KCNQ5: variants seen among roughly 807,000 people sequenced by gnomAD.
The protein encoded by KCNQ5 is potassium voltage-gated channel subfamily KQT member 5.
A neutral mutation model predicts 98.2 loss-of-function variants in KCNQ5; 30 were observed. The observed-to-expected ratio is 0.31, with a 90% confidence interval of 0.23 to 0.41. The LOEUF (loss-of-function observed/expected upper bound fraction) is 0.41. Among genes scored for constraint, KCNQ5 ranks in the 10% least tolerant of loss-of-function variants. The pLI is 1.00. For missense variants in KCNQ5, 835 were observed against 1,182.5 expected, an observed-to-expected ratio of 0.71 and a Z score of 4.31; for synonymous variants, 458 against 449.4, an observed-to-expected ratio of 1.02 and a Z score of -0.24.
intron 8 of KCNQ5, among the ~76,000 whole-genome samples, chr6:73,121,112 A>G (rs904679893): frequency 1.3e-5 from 2 of 152,358 alleles, no homozygotes; most frequent in South Asian, 2.1e-4. Flanking sequence ...ATAGTTTACA[A>G]TGAGGCAATG....
chr6:73,106,668 AT>A (rs1162357523), intron 6 of KCNQ5, among the ~76,000 whole-genome samples: 6 of 152,308 alleles, frequency 3.9e-5, no homozygotes, highest in African/African-American at 1.2e-4. Context: ...TTTTAACTTG[AT>A]TACCTCTGTA....
intron 3 of KCNQ5, among the ~76,000 whole-genome samples, chr6:73,059,288 T>TCAC (rs1284580774): frequency 6.6e-6 from 1 of 152,162 alleles, no homozygotes; most frequent in African/African-American, 2.4e-5. Flanking sequence ...TGGAGGCCAT[T>TCAC]CACCTAAGCG....
At chr6:73,187,411 G>GTTT (rs1765414053) in intron 11 of KCNQ5, among the ~76,000 whole-genome samples, 1 of 150,072 alleles carries the variant, frequency 6.7e-6, no homozygotes, top group Non-Finnish European at 1.5e-5. Flanking sequence ...TCAATGCAAG[G>GTTT]TTGCTCCAGG....
intron 1 of KCNQ5, among the ~76,000 whole-genome samples, chr6:72,833,871 A>G (rs929861315): frequency 3.9e-5 from 6 of 152,170 alleles, no homozygotes; most frequent in African/African-American, 1.2e-4. Context: ...AAAAGCAATG[A>G]CATTTTTATA....
intron 1 of KCNQ5, among the ~76,000 whole-genome samples, chr6:72,933,385 T>C (rs1391068037): frequency 6.6e-6 from 1 of 152,232 alleles, no homozygotes; most frequent in East Asian, 1.9e-4. Flanking sequence ...TCTGTCGGGA[T>C]GCCATCCATA....
chr6:73,139,224 A>C (rs762117369), intron 10 of KCNQ5, among the ~76,000 whole-genome samples: 32 of 152,158 alleles, frequency 2.1e-4, no homozygotes, highest in Non-Finnish European at 4.1e-4. Flanking sequence ...CTGTCCATTC[A>C]CATCTTATTT....
chr6:72,645,075 C>T (rs1305276407), intron 1 of KCNQ5, among the ~76,000 whole-genome samples: 1 of 151,810 alleles, frequency 6.6e-6, no homozygotes, highest in Non-Finnish European at 1.5e-5. Context: ...CTGTCAAATA[C>T]TCTTACTTAG....
chr6:73,040,533 A>G (rs894340405), intron 2 of KCNQ5, among the ~76,000 whole-genome samples: 3 of 152,200 alleles, frequency 2.0e-5, no homozygotes, highest in Non-Finnish European at 4.4e-5. Context: ...ACCAAAACAA[A>G]GCCAAAATCA....
intron 10 of KCNQ5, among the ~76,000 whole-genome samples, chr6:73,157,033 G>T (rs1777388237): frequency 6.6e-6 from 1 of 152,228 alleles, no homozygotes; most frequent in African/African-American, 2.4e-5. Context: ...GAGGCGAGCA[G>T]AGAGAGGCCA....
At chr6:73,001,829 G>A (rs1769583088) in intron 1 of KCNQ5, among the ~76,000 whole-genome samples, 1 of 152,186 alleles carries the variant, frequency 6.6e-6, no homozygotes, top group Non-Finnish European at 1.5e-5. Flanking sequence ...ACAGTATCCT[G>A]AATCATTAGA....
At chr6:73,086,963 G>A (rs1002763517) in intron 5 of KCNQ5, among the ~76,000 whole-genome samples, 1 of 152,200 alleles carries the variant, frequency 6.6e-6, no homozygotes, top group Non-Finnish European at 1.5e-5. Flanking sequence ...ATCCTGGCTT[G>A]TTTGAAGAGC....
At position 73,032,683 on chromosome 6, in the gene KCNQ5, G is replaced by A. The variant is rs143259025; in HGVS notation, c.490-9253G>A. On this transcript the variant is annotated intron_variant, in intron 2 of 13. Transcript: ENST00000370398. ...AAAATCATAACAGAATACATATCTGGGTCCAGTTCAAGGTACAGCAAGCCA... is the reference window on the plus strand; with the variant it reads ...AAAATCATAACAGAATACATATCTGAGTCCAGTTCAAGGTACAGCAAGCCA... 9.0e-3 allele frequency among the ~76,000 whole-genome samples: 1,369 copies of A among 152,116 alleles called. 22 individuals are homozygous for A. Among genetic ancestry groups the A allele is most frequent in the African/African-American group, 0.032 (1,308 of 41,462 alleles).
chr6:72,634,692 A>T (rs2098922960), intron 1 of KCNQ5, among the ~76,000 whole-genome samples: 1 of 152,070 alleles, frequency 6.6e-6, no homozygotes, highest in African/African-American at 2.4e-5. Context: ...CAGCCTCCCG[A>T]GTAGCTGGGA....
At chr6:72,658,076 C>T (rs1425303392) in intron 1 of KCNQ5, among the ~76,000 whole-genome samples, 1 of 152,194 alleles carries the variant, frequency 6.6e-6, no homozygotes, top group Non-Finnish European at 1.5e-5. Context: ...TCTCCTGAAA[C>T]TCTTGAAATC....
At chr6:72,795,027 C>G (rs1388476590) in intron 1 of KCNQ5, among the ~76,000 whole-genome samples, 4 of 152,166 alleles carry the variant, frequency 2.6e-5, no homozygotes, top group Admixed American at 6.6e-5. Flanking sequence ...CTCTTGCCAT[C>G]TCTTGACTCT....
intron 1 of KCNQ5, among the ~76,000 whole-genome samples, chr6:72,837,788 A>C (rs1304215920): frequency 1.5e-5 from 2 of 137,524 alleles, no homozygotes; most frequent in African/African-American, 5.0e-5. Context: ...TGTTATATAT[A>C]CATGTTATAT....
chr6:73,078,726 C>A (rs1251348737), intron 5 of KCNQ5, among the ~76,000 whole-genome samples: 2 of 152,158 alleles, frequency 1.3e-5, no homozygotes, highest in Admixed American at 1.3e-4. Flanking sequence ...TGCATTGCTA[C>A]CAGTTATCAA....
chr6:72,724,924 T>G (rs1320212537), intron 1 of KCNQ5, among the ~76,000 whole-genome samples: 1 of 152,222 alleles, frequency 6.6e-6, no homozygotes, highest in East Asian at 1.9e-4. Flanking sequence ...ACAAGTCATA[T>G]ATTACTTCAT....
chr6:73,191,034 A>G (rs1436764326), intron 12 of KCNQ5, among the ~76,000 whole-genome samples: 1 of 152,230 alleles, frequency 6.6e-6, no homozygotes, highest in Admixed American at 6.5e-5. Context: ...ATAAACATCA[A>G]TGGTTGTTGC....
Sources: gnomAD v4.1 joint callset for allele counts (sites outside exome capture counted in the v4.1 genomes callset) on GRCh38, gnomAD v4.1.1 for gene constraint, MANE v1.5 for transcripts, NCBI Gene and HGNC (gene_info 2026-07-23, HGNC 2026-07-21) for gene names.